HELZ: variants seen among roughly 807,000 people sequenced by gnomAD.
The protein encoded by HELZ is helicase with zinc finger.
Under a neutral mutation model 218.2 loss-of-function variants are expected in HELZ, and 23 were observed. The observed-to-expected ratio is 0.11, with a 90% CI of 0.08 to 0.15. The LOEUF is 0.15. Among genes scored for constraint, HELZ ranks in the 10% least tolerant of loss-of-function variants. The probability of loss-of-function intolerance (pLI) is 1.00; values close to 1 mark genes in which losing one functional copy is unlikely to be tolerated. For synonymous variants in HELZ, 814 were observed against 829.4 expected, an observed-to-expected ratio of 0.98 and a Z score of 0.32; for missense variants, 1,813 against 2,353.7, an observed-to-expected ratio of 0.77 and a Z score of 4.75.
At chr17:67,171,843 T>G (rs895335763) in intron 13 of HELZ, among the ~76,000 whole-genome samples, 7 of 151,968 alleles carry the variant, frequency 4.6e-5, no homozygotes, top group African/African-American at 1.7e-4. Context: ...TTTTGTTTTT[T>G]TTTTTGAGAC....
chr17:67,141,128 C>T (rs1370812266), intron 21 of HELZ, among the ~76,000 whole-genome samples: 1 of 152,134 alleles, frequency 6.6e-6, no homozygotes, highest in East Asian at 1.9e-4. Flanking sequence ...TTCAAATCCA[C>T]ACAAACAAAG....
chr17:67,210,828 A>G (rs1457664148), intron 5 of HELZ, among the ~76,000 whole-genome samples: 2 of 152,190 alleles, frequency 1.3e-5, no homozygotes, highest in Non-Finnish European at 2.9e-5. Context: ...AGGCTGAGGC[A>G]GGAGAATCGC....
At position 67,109,210 on chromosome 17, in the gene HELZ, C is replaced by G; in HGVS notation, c.4395G>C (p.Leu1465=). The G allele has an allele frequency of 6.2e-7, 1 of 1,614,152 alleles. No individual in the cohort carries two copies. Among genetic ancestry groups the G allele is most frequent in the Non-Finnish European group, 8.5e-7 (1 of 1,180,032 alleles). The change falls in exon 29 of 33, where the codon CTG becomes CTC. Residue 1465 remains leucine, a synonymous_variant. Coordinates refer to ENST00000358691, the MANE Select transcript of HELZ (RefSeq NM_014877.4). The part of the protein sequence containing the change: ...PPMLQEGHSP[L]RAIAQPGPIL... ...TGGGGCCGGGTTGTGCAATGGCTCT[C>G]AGAGGACTGTGGCCTTCTTGCAGCA...
intron 31 of HELZ, among the ~76,000 whole-genome samples, chr17:67,089,423 T>C (rs1423932484): frequency 1.4e-4 from 22 of 151,888 alleles, no homozygotes; most frequent in Admixed American, 1.4e-3. Flanking sequence ...CATTTGTATC[T>C]TCCAAACTGA....
chr17:67,130,791 A>G (rs2037955581), intron 23 of HELZ, among the ~76,000 whole-genome samples: 1 of 152,246 alleles, frequency 6.6e-6, no homozygotes. Flanking sequence ...ATAAAGTATC[A>G]GTTTCACAGA....
intron 27 of HELZ, 51 bp downstream of exon 27, chr17:67,120,354 A>G: frequency 6.9e-7 from 1 of 1,456,282 alleles, no homozygotes; most frequent in Non-Finnish European, 9.6e-7. Context: ...TGTGGCTAAA[A>G]CTTTACCTGT....
At chr17:67,124,936 T>G (rs1423656142) in intron 24 of HELZ, among the ~76,000 whole-genome samples, 1 of 151,958 alleles carries the variant, frequency 6.6e-6, no homozygotes, top group African/African-American at 2.4e-5. Context: ...TGAGGAAAAG[T>G]AGCACATTGC....
chr17:67,203,322 G>A lies in HELZ; in HGVS notation c.369C>T (p.Ser123=), dbSNP rs754520446. The change falls in exon 6 of 33, where the codon TCC becomes TCT. Residue 123 remains serine (S), a synonymous_variant. Coordinates refer to ENST00000358691, the MANE Select transcript of HELZ (RefSeq NM_014877.4). ...TILAKSLTGE[S]LNGMVTKDLT... ...AAATTAGAGCTTATCAACATACCAG[G>A]GACTCTCCTGTGAGTGACTTGGCAA... The A allele has an allele frequency of 9.9e-6, 16 of 1,613,676 alleles. No homozygotes were observed. Among genetic ancestry groups the A allele is most frequent in the Non-Finnish European group, 1.2e-5 (14 of 1,179,874 alleles).
intron 5 of HELZ, among the ~76,000 whole-genome samples, chr17:67,207,211 CTTTTTTT>C (rs61019173): frequency 2.8e-4 from 21 of 75,550 alleles, no homozygotes; most frequent in African/African-American, 4.4e-4. Flanking sequence ...CACGCCCGGC[CTTTTTTT>C]TTTTTTTTTT....
chr17:67,167,919 C>T (rs1422171215), intron 13 of HELZ, 123 bp from the exon 14 acceptor site: 8 of 670,618 alleles, frequency 1.2e-5, no homozygotes, highest in Non-Finnish European at 2.0e-5. Flanking sequence ...ATCAATTCCA[C>T]TTCATTGAGC....
intron 24 of HELZ, among the ~76,000 whole-genome samples, chr17:67,125,332 A>G (rs1163027085): frequency 9.9e-6 from 1 of 101,020 alleles, no homozygotes; most frequent in African/African-American, 4.2e-5. Context: ...ATATATATAT[A>G]TATATATATA....
At chr17:67,244,076 C>T (rs2041398655) in intron 1 of HELZ, 4 of 730,708 alleles carry the variant, frequency 5.5e-6, no homozygotes, top group Non-Finnish European at 6.7e-6. Context: ...ATAATAAAAT[C>T]ATCTTTTTCA....
chr17:67,176,967 A>C (rs2039476710), intron 13 of HELZ, among the ~76,000 whole-genome samples: 1 of 150,036 alleles, frequency 6.7e-6, no homozygotes. Context: ...TGCACTTTCA[A>C]CTATTCAGTT....
At chr17:67,177,684 A>C (rs1158368326) in intron 13 of HELZ, among the ~76,000 whole-genome samples, 1 of 151,872 alleles carries the variant, frequency 6.6e-6, no homozygotes, top group Non-Finnish European at 1.5e-5. Context: ...TCAATGGGCC[A>C]GGATTTAAAG....
At chr17:67,129,171 A>G (rs2037896983) in intron 23 of HELZ, among the ~76,000 whole-genome samples, 1 of 152,060 alleles carries the variant, frequency 6.6e-6, no homozygotes, top group Admixed American at 6.6e-5. Context: ...TTACCCATAT[A>G]ATAAGTTTTC....
At chr17:67,111,096 T>C (rs1013532766) in intron 28 of HELZ, among the ~76,000 whole-genome samples, 1 of 152,226 alleles carries the variant, frequency 6.6e-6, no homozygotes, top group Admixed American at 6.5e-5. Context: ...ATGGGAAGTT[T>C]TGTGTACGCA....
chr17:67,113,092 A>G (rs1020946998), intron 28 of HELZ, among the ~76,000 whole-genome samples: 2 of 152,142 alleles, frequency 1.3e-5, no homozygotes, highest in Non-Finnish European at 2.9e-5. Context: ...AAAGGAGATG[A>G]AGGTTAAAGA....
At chr17:67,127,246 G>A (rs1402347821) in intron 24 of HELZ, among the ~76,000 whole-genome samples, 2 of 152,104 alleles carry the variant, frequency 1.3e-5, no homozygotes, top group African/African-American at 4.8e-5. Flanking sequence ...CGGACTCGGG[G>A]GCTAATTTGC....
At chr17:67,115,994 T>C (rs1176826273) in intron 27 of HELZ, among the ~76,000 whole-genome samples, 1 of 152,072 alleles carries the variant, frequency 6.6e-6, no homozygotes, top group Non-Finnish European at 1.5e-5. Context: ...TTGTAACTTA[T>C]GTAAAAGTAA....
Sources: gnomAD v4.1 joint callset for allele counts (sites outside exome capture counted in the v4.1 genomes callset) on GRCh38, gnomAD v4.1.1 for gene constraint, MANE v1.5 for transcripts, NCBI Gene and HGNC (gene_info 2026-07-23, HGNC 2026-07-21) for gene names.